Variants in SPI1 observed in about 807,000 individuals in gnomAD.
The protein encoded by SPI1 is Spi-1 proto-oncogene, also known as transcription factor PU.1.
In SPI1, 3 loss-of-function variants were observed where a neutral mutation model predicts 30.7. The ratio of observed to expected loss-of-function variants is 0.10; its 90% CI spans 0.04 to 0.25. The LOEUF is 0.25. SPI1 is among the 10% of genes least tolerant of loss of function. SPI1 has a pLI of 1.00. For synonymous variants in SPI1, 169 were observed against 157.1 expected, an observed-to-expected ratio of 1.08 and a Z score of -0.56; for missense variants, 261 against 371.5, an observed-to-expected ratio of 0.70 and a Z score of 2.45.
rs1164943100 is a variant in SPI1 at position 47,375,895 on chromosome 11, C to T, written c.46-166G>A. 1.3e-5 allele frequency among the ~76,000 whole-genome samples: 2 copies of T among 152,046 alleles called. No individual in the cohort carries two copies. The highest frequency in any genetic ancestry group is 2.9e-5 in the Non-Finnish European group (2 of 67,986). ...CTGGGACAGAGAGTGGGGCAGGGGACCCAGAAGGCCTGAAAAGGGGTGACA... is the reference window on the plus strand; with the variant it reads ...CTGGGACAGAGAGTGGGGCAGGGGATCCAGAAGGCCTGAAAAGGGGTGACA... On this transcript the variant is annotated intron_variant, in intron 1 of 4. Coordinates refer to ENST00000378538, the MANE Select transcript of SPI1 (RefSeq NM_003120.3). This position sits in a 1 kb window ranked among gnomAD's most constrained non-coding sequence, Gnocchi z 4.2.
At chr11:47,372,110 T>A (rs1296335974) in intron 2 of SPI1, among the ~76,000 whole-genome samples, 8 of 151,762 alleles carry the variant, frequency 5.3e-5, no homozygotes, top group Non-Finnish European at 1.0e-4. Context: ...TGATTCTTTT[T>A]TTTTTTTTTT....
chr11:47,360,039 G>A lies in SPI1; in HGVS notation c.144C>T (p.Asp48=). ...YLSSDGESHS[D]HYWDFHPHHV... ...GGTGGGGGTGGAAGTCCCAGTAATGGTCTGTGGGGGACAGCCAGGCAGTAT... is the reference window on the plus strand; with the variant it reads ...GGTGGGGGTGGAAGTCCCAGTAATGATCTGTGGGGGACAGCCAGGCAGTAT... The change falls in exon 3 of 5, where the codon GAC becomes GAT. Residue 48 remains aspartate, a splice_region_variant and synonymous_variant. Coordinates refer to ENST00000378538, the MANE Select transcript of SPI1 (RefSeq NM_003120.3). 1 of 1,561,996 alleles carries A rather than the reference G, an allele frequency of 6.4e-7. No homozygotes were observed.
chr11:47,358,656 T>A (rs1040632309), intron 4 of SPI1, 188 bp downstream of exon 4: 2 of 718,672 alleles, frequency 2.8e-6, no homozygotes, highest in Non-Finnish European at 2.5e-6. Flanking sequence ...CCGTATGCAC[T>A]ACACAGCAGA....
chr11:47,357,008 CCT>C (rs1039393808), intron 4 of SPI1, among the ~76,000 whole-genome samples: 7 of 150,760 alleles, frequency 4.6e-5, no homozygotes, highest in African/African-American at 1.5e-4. Context: ...ACACACACTT[CCT>C]CACACACCTC....
chr11:47,375,634 G>A lies in SPI1; in HGVS notation c.141C>T (p.Ser47=), dbSNP rs1046736205. 1.6e-5 allele frequency: 26 copies of A among 1,613,050 alleles called. No homozygotes were observed. Among genetic ancestry groups the A allele is most frequent in the African/African-American group, 5.3e-5 (4 of 74,902 alleles). The change falls in exon 2 of 5, where the codon AGC becomes AGT. Residue 47 remains serine, a splice_region_variant and synonymous_variant. Transcript: ENST00000378538. This position sits in a 1 kb window ranked among gnomAD's most constrained non-coding sequence, Gnocchi z 4.2. The part of the protein sequence containing the change: ...PYLSSDGESH[S]DHYWDFHPHH... ...GGGCGTGGCAGGCCCCGTACTCACC[G>A]CTATGGCTCTCCCCATCACTGCTGA...
chr11:47,359,394 G>A lies in SPI1; in HGVS notation c.331-388C>T, dbSNP rs2095917273. On this transcript the variant is annotated intron_variant, in intron 3 of 4. Transcript: ENST00000378538. This position sits in a 1 kb window ranked among gnomAD's most constrained non-coding sequence, Gnocchi z 5.1. ...TGGAAGGGGGTTTCATAGGTGGGAT[G>A]ATGAGTGAGTGGAGGGACCCTGGAG... is the stretch of plus-strand genomic sequence containing the variant. 6.6e-6 allele frequency among the ~76,000 whole-genome samples: 1 copy of A among 152,136 alleles called. No individual in the cohort carries two copies. Among genetic ancestry groups the A allele is most frequent in the Non-Finnish European group, 1.5e-5 (1 of 68,010 alleles).
intron 2 of SPI1, among the ~76,000 whole-genome samples, chr11:47,368,091 C>A (rs948802172): frequency 6.6e-6 from 1 of 152,210 alleles, no homozygotes; most frequent in Non-Finnish European, 1.5e-5. Flanking sequence ...ATAGGCCGGG[C>A]GCAGTGGCTC....
intron 2 of SPI1, among the ~76,000 whole-genome samples, chr11:47,370,312 A>G (rs1334804126): frequency 6.6e-6 from 1 of 151,634 alleles, no homozygotes; most frequent in Non-Finnish European, 1.5e-5. Flanking sequence ...CTGAAGCAGG[A>G]GAATTGCTGG....
At chr11:47,358,568 C>G (rs1249606901) in intron 4 of SPI1, 3 of 700,612 alleles carry the variant, frequency 4.3e-6, no homozygotes, top group African/African-American at 3.5e-5. Context: ...CCTCTGCACA[C>G]TTGCTCACAC....
rs1007454911 is a variant in SPI1 at position 47,359,416 on chromosome 11, G to A, written c.331-410C>T. On this transcript the variant is annotated intron_variant, in intron 3 of 4. Coordinates refer to ENST00000378538, the MANE Select transcript of SPI1 (RefSeq NM_003120.3). This position sits in a 1 kb window ranked among gnomAD's most constrained non-coding sequence, Gnocchi z 5.1. ...GATGATGAGTGAGTGGAGGGACCCT[G>A]GAGGTCAGTAGGGGTGGTAGAGGTC... is the stretch of plus-strand genomic sequence containing the variant. Among the ~76,000 whole-genome samples, 1 of 152,120 alleles carries A rather than the reference G, an allele frequency of 6.6e-6. No individual in the cohort carries two copies. Among genetic ancestry groups the A allele is most frequent in the Non-Finnish European group, 1.5e-5 (1 of 68,012 alleles).
chr11:47,373,964 C>G (rs1012067174), intron 2 of SPI1, among the ~76,000 whole-genome samples: 1 of 152,246 alleles, frequency 6.6e-6, no homozygotes, highest in Non-Finnish European at 1.5e-5. Context: ...GGAAGGAAAA[C>G]TGAGGCTGCA....
At chr11:47,370,233 C>A (rs921207039) in intron 2 of SPI1, among the ~76,000 whole-genome samples, 1 of 150,886 alleles carries the variant, frequency 6.6e-6, no homozygotes, top group African/African-American at 2.4e-5. Flanking sequence ...TGAAACCCCA[C>A]CTCTACTAAA....
chr11:47,364,377 C>T (rs1421753062), intron 2 of SPI1, among the ~76,000 whole-genome samples: 1 of 152,060 alleles, frequency 6.6e-6, no homozygotes, highest in Non-Finnish European at 1.5e-5. Context: ...TAACAGGATC[C>T]CGAAACTCTC....
In SPI1 at chr11:47,359,985, G is replaced by A. The variant is rs776489859; in HGVS notation, c.198C>T (p.Ala66=). 5.6e-6 allele frequency: 9 copies of A among 1,606,948 alleles called. No individual in the cohort carries two copies. The highest frequency in any genetic ancestry group is 2.2e-5 in the East Asian group (1 of 44,710). Residue 66 remains alanine (A), a synonymous_variant, in exon 3 of 5, where the codon GCC becomes GCT. Transcript: ENST00000378538. The surrounding 1 kb of genome is among the most constrained non-coding windows in gnomAD (Gnocchi z 5.1). The part of the protein sequence containing the change: ...HHVHSEFESF[A]ENNFTELQSV... ...TCTGGAGCTCCGTGAAGTTGTTCTC[G>A]GCGAAGCTCTCGAACTCGCTGTGCA... is the stretch of plus-strand genomic sequence containing the variant.
At chr11:47,357,905 T>C (rs141498481) in intron 4 of SPI1, among the ~76,000 whole-genome samples, 59 of 151,906 alleles carry the variant, frequency 3.9e-4, no homozygotes, top group African/African-American at 1.4e-3. Context: ...TTCACACACC[T>C]GCTTTCACAC....
chr11:47,355,868 G>A (rs1183271529), intron 4 of SPI1, among the ~76,000 whole-genome samples: 1 of 134,028 alleles, frequency 7.5e-6, no homozygotes, highest in Non-Finnish European at 1.6e-5. Flanking sequence ...CCTTACACAT[G>A]CTCACACATC....
intron 2 of SPI1, among the ~76,000 whole-genome samples, chr11:47,361,591 C>T (rs1255374042): frequency 2.0e-5 from 3 of 152,184 alleles, no homozygotes; most frequent in African/African-American, 7.2e-5. Flanking sequence ...AATAAAGTGA[C>T]AAGATCGGCT....
intron 2 of SPI1, among the ~76,000 whole-genome samples, chr11:47,371,157 A>G (rs980167329): frequency 1.3e-5 from 2 of 151,458 alleles, no homozygotes; most frequent in Non-Finnish European, 2.9e-5. Flanking sequence ...TCAGGAGATC[A>G]AGACCATCCT....
intron 4 of SPI1, among the ~76,000 whole-genome samples, chr11:47,356,996 A>G (rs908256728): frequency 2.0e-5 from 3 of 147,780 alleles, no homozygotes; most frequent in African/African-American, 5.0e-5. Context: ...TCACCTATCC[A>G]TACACACACT....
Sources: allele counts gnomAD v4.1 joint callset (sites outside exome capture counted in the v4.1 genomes callset), GRCh38; gene constraint gnomAD v4.1.1; non-coding constraint Gnocchi (gnomAD v3.1); transcripts MANE v1.5; gene names NCBI Gene and HGNC (gene_info 2026-07-23, HGNC 2026-07-21).